The following CHRM3 variants were observed in gnomAD, a reference collection of about 807,000 sequenced individuals.
CHRM3 encodes muscarinic acetylcholine receptor M3.
In CHRM3, 11 loss-of-function variants were observed where a neutral mutation model predicts 41.8. The observed-to-expected ratio is 0.26, with a 90% CI of 0.17 to 0.44. The LOEUF is 0.44. Ranked by LOEUF, CHRM3 falls within the 20% of genes least tolerant of loss-of-function variation. The pLI, the probability that CHRM3 is intolerant of heterozygous loss-of-function variation, is 1.00. For missense variants in CHRM3, 571 were observed against 745.4 expected (o/e 0.77, Z 2.72); for synonymous variants, 297 against 301.4 (o/e 0.99, Z 0.15).
intron 4 of CHRM3, among the ~76,000 whole-genome samples, chr1:239,660,084 C>T (rs1205505289): frequency 2.0e-5 from 3 of 152,322 alleles, no homozygotes; most frequent in South Asian, 4.1e-4. Flanking sequence ...CATCAGCCTC[C>T]CAAGTAGCTG....
At chr1:239,831,150 C>A (rs1003888386) in intron 6 of CHRM3, among the ~76,000 whole-genome samples, 16 of 152,178 alleles carry the variant, frequency 1.1e-4, no homozygotes, top group Non-Finnish European at 7.4e-5. Context: ...CGAGTCAGGA[C>A]ACAGGGCTGA....
intron 1 of CHRM3, among the ~76,000 whole-genome samples, chr1:239,492,210 A>G (rs1383266833): frequency 6.6e-6 from 1 of 152,074 alleles, no homozygotes; most frequent in Non-Finnish European, 1.5e-5. Context: ...GTCAGCAGAT[A>G]CCTACCTACC....
intron 5 of CHRM3, chr1:239,707,603 G>C (rs887206578): frequency 3.9e-5 from 6 of 152,154 alleles, no homozygotes; most frequent in Admixed American, 1.3e-4. Context: ...TATTGGGCCT[G>C]CAGAGACATA....
At chr1:239,867,074 G>T (rs1676174531) in intron 6 of CHRM3, among the ~76,000 whole-genome samples, 1 of 152,196 alleles carries the variant, frequency 6.6e-6, no homozygotes, top group African/African-American at 2.4e-5. Flanking sequence ...CCAAGCTTGG[G>T]GAAGGAATGT....
At chr1:239,517,736 G>C (rs1333461002) in intron 2 of CHRM3, among the ~76,000 whole-genome samples, 1 of 152,104 alleles carries the variant, frequency 6.6e-6, no homozygotes, top group Non-Finnish European at 1.5e-5. Flanking sequence ...TTTTTTGAAA[G>C]ACTCATTTTA....
intron 3 of CHRM3, among the ~76,000 whole-genome samples, chr1:239,599,487 A>G (rs1665248202): frequency 7.2e-6 from 1 of 139,486 alleles, no homozygotes; most frequent in African/African-American, 2.8e-5. Flanking sequence ...CCTTGGCTTT[A>G]ACTTCTATCC....
chr1:239,786,695 C>CG (rs1482758234), intron 5 of CHRM3, among the ~76,000 whole-genome samples: 7 of 151,100 alleles, frequency 4.6e-5, no homozygotes, highest in African/African-American at 1.7e-4. Context: ...CGCAGGGTGC[C>CG]GAGGGCAGGC....
At position 239,739,760 on chromosome 1, in the gene CHRM3, T is replaced by A. The variant is rs191502886; in HGVS notation, c.-147+61472T>A. ...CTCAGGGAAAATAATGAAAATGATATCAAAAGACTTAGTGTCTGTTTTCTT... is the reference window on the plus strand; with the variant it reads ...CTCAGGGAAAATAATGAAAATGATAACAAAAGACTTAGTGTCTGTTTTCTT... On this transcript the variant is annotated intron_variant, in intron 5 of 6. Transcript: ENST00000676153. Among the ~76,000 whole-genome samples the A allele has an allele frequency of 8.5e-5, 13 of 152,248 alleles. No homozygotes were observed. In the East Asian group the frequency reaches 2.5e-3, roughly 29 times the overall value.
At chr1:239,778,472 A>G (rs1355710741) in intron 5 of CHRM3, among the ~76,000 whole-genome samples, 1 of 152,052 alleles carries the variant, frequency 6.6e-6, no homozygotes, top group Non-Finnish European at 1.5e-5. Flanking sequence ...TGTTTATCCT[A>G]TCTGTGCCCT....
chr1:239,869,036 T>G (rs1209080476), intron 6 of CHRM3, among the ~76,000 whole-genome samples: 1 of 151,892 alleles, frequency 6.6e-6, no homozygotes, highest in East Asian at 1.9e-4. Flanking sequence ...AGGAGCTGAG[T>G]AAGATGAAGG....
At chr1:239,479,937 A>G (rs1666721021) in intron 1 of CHRM3, among the ~76,000 whole-genome samples, 1 of 152,150 alleles carries the variant, frequency 6.6e-6, no homozygotes, top group African/African-American at 2.4e-5. Context: ...GCTACACTAA[A>G]TTTATTTTAA....
At chr1:239,869,084 C>T (rs572125552) in intron 6 of CHRM3, among the ~76,000 whole-genome samples, 1 of 152,048 alleles carries the variant, frequency 6.6e-6, no homozygotes. Context: ...CGCCTAGAAA[C>T]CCTGCACCCC....
chr1:239,485,649 C>T (rs1449438102), intron 1 of CHRM3, among the ~76,000 whole-genome samples: 1 of 152,096 alleles, frequency 6.6e-6, no homozygotes. Context: ...AGATTGCCTC[C>T]CCAAAACATG....
chr1:239,733,585 T>C, intron 5 of CHRM3, among the ~76,000 whole-genome samples: 1 of 152,050 alleles, frequency 6.6e-6, no homozygotes, highest in East Asian at 1.9e-4. Flanking sequence ...GCTCTGGAGA[T>C]GCATATAGAG....
chr1:239,594,129 A>G (rs1311483404), intron 3 of CHRM3, among the ~76,000 whole-genome samples: 1 of 152,194 alleles, frequency 6.6e-6, no homozygotes, highest in Non-Finnish European at 1.5e-5. Flanking sequence ...ACAATTTAGC[A>G]TTATTAGTTT....
At chr1:239,633,572 A>C (rs556010954) in intron 4 of CHRM3, among the ~76,000 whole-genome samples, 5 of 152,042 alleles carry the variant, frequency 3.3e-5, no homozygotes, top group Non-Finnish European at 7.3e-5. Flanking sequence ...TCATCTTCCC[A>C]GACTCTTTTT....
At chr1:239,574,137 G>A (rs1335827707) in intron 3 of CHRM3, among the ~76,000 whole-genome samples, 2 of 152,098 alleles carry the variant, frequency 1.3e-5, no homozygotes, top group Non-Finnish European at 2.9e-5. Context: ...ATATTTGTCT[G>A]TGTTTCTTAC....
At chr1:239,861,668 G>A (rs1039255391) in intron 6 of CHRM3, among the ~76,000 whole-genome samples, 2 of 152,100 alleles carry the variant, frequency 1.3e-5, no homozygotes, top group African/African-American at 2.4e-5. Context: ...AGACTCGTTC[G>A]TTATTTTTTC....
chr1:239,438,201 A>G (rs1235553142), intron 1 of CHRM3, among the ~76,000 whole-genome samples: 2 of 152,192 alleles, frequency 1.3e-5, no homozygotes, highest in African/African-American at 2.4e-5. Context: ...TATTTCCACT[A>G]TAGAATTTTT....
Sources: allele counts gnomAD v4.1 joint callset (sites outside exome capture counted in the v4.1 genomes callset), GRCh38; gene constraint gnomAD v4.1.1; transcripts MANE v1.5; gene names NCBI Gene and HGNC (gene_info 2026-07-23, HGNC 2026-07-21).